COL2A1: variants seen among roughly 807,000 people sequenced by gnomAD.
The protein encoded by COL2A1 is collagen type II alpha 1 chain.
Under a neutral mutation model 204.5 loss-of-function variants are expected in COL2A1, and 28 were observed. The observed-to-expected ratio is 0.14, with a 90% CI of 0.10 to 0.19. The LOEUF (loss-of-function observed/expected upper bound fraction) is 0.19, where lower values mean the gene tolerates loss of function less well. COL2A1 is among the 10% of genes least tolerant of loss of function. The pLI, the probability that COL2A1 is intolerant of heterozygous loss-of-function variation, is 1.00. For synonymous variants in COL2A1, 708 were observed against 718.7 expected (o/e 0.99, Z 0.24); for missense variants, 1,388 against 2,027.5 (o/e 0.68, Z 6.06).
At chr12:47,992,000 G>A (rs1939731313) in intron 16 of COL2A1, among the ~76,000 whole-genome samples, 6 of 152,202 alleles carry the variant, frequency 3.9e-5, no homozygotes. Context: ...ACGGAGTGAA[G>A]CTGCTTTATT....
At chr12:47,979,984 G>T in intron 40 of COL2A1, 25 bp downstream of exon 40, 2 of 1,548,108 alleles carry the variant, frequency 1.3e-6, no homozygotes, top group South Asian at 2.4e-5. Flanking sequence ...GAGGTGCAGG[G>T]TGGGGTGTCA....
Position 47,976,028 on chromosome 12 carries a change from T to C in COL2A1, c.3532A>G (p.Asn1178Asp). 9.3e-6 allele frequency: 15 copies of C among 1,613,910 alleles called. No individual in the cohort carries two copies. Among genetic ancestry groups the C allele is most frequent in the Non-Finnish European group, 1.2e-5 (14 of 1,179,892 alleles). ...PVGPSGKDGA[N>D]GIPGPIGPPG... ...GGCCCAATGGGGCCAGGGATTCCAT[T>C]AGCACCATCTTTGCCAGAGGGACCG... is the stretch of plus-strand genomic sequence containing the variant. Residue 1178 changes from asparagine (N) to aspartate (D), a missense_variant, in exon 50 of 54, where the codon AAT becomes GAT. By Grantham distance (23) the Asn-to-Asp change is conservative (BLOSUM62 1). Coordinates refer to ENST00000380518, the MANE Select transcript of COL2A1 (RefSeq NM_001844.5). The surrounding 1 kb of genome is among the most constrained non-coding windows in gnomAD (Gnocchi z 4.3).
intron 33 of COL2A1, 75 bp downstream of exon 33, chr12:47,982,773 C>T: frequency 7.2e-7 from 1 of 1,391,844 alleles, no homozygotes; most frequent in Non-Finnish European, 1.0e-6. Context: ...TCCTCCTGAG[C>T]CCGCTCCTCT....
chr12:47,986,971 G>C (rs190884894), intron 21 of COL2A1, 83 bp from the exon 22 acceptor site: 1 of 1,591,952 alleles, frequency 6.3e-7, no homozygotes, highest in East Asian at 2.2e-5. Flanking sequence ...AGATGCCCTC[G>C]GATGGAGGCC....
At chr12:47,989,898 T>C in intron 16 of COL2A1, 93 bp from the exon 17 acceptor site, 1 of 1,255,042 alleles carries the variant, frequency 8.0e-7, no homozygotes, top group Non-Finnish European at 1.2e-6. Flanking sequence ...AAGGACACAC[T>C]GTGCCTGGGG....
chr12:47,974,688 T>A lies in COL2A1; in HGVS notation c.4061A>T (p.Asn1354Ile), dbSNP rs200621622. 2.0e-5 allele frequency: 32 copies of A among 1,614,052 alleles called. No homozygotes were observed. The highest frequency in any genetic ancestry group is 2.5e-5 in the Non-Finnish European group (29 of 1,180,022). The stretch of plus-strand genomic sequence containing the variant: ...CCAGGTACTCACATGGAAGCCACCA[T>A]TGATGGTTTCTCCAAACCAGATGTG... ...KKHIWFGETI[N>I]GGFHFSYGDD... is the part of the protein sequence containing the mutation. The change falls in exon 52 of 54, where the codon AAT becomes ATT. Residue 1354 changes from asparagine (N) to isoleucine (I), a missense_variant. Asn to Ile is a moderately radical substitution (Grantham distance 149, BLOSUM62 -3). Coordinates refer to ENST00000380518, the MANE Select transcript of COL2A1 (RefSeq NM_001844.5).
At chr12:47,991,333 G>T (rs1333267996) in intron 16 of COL2A1, among the ~76,000 whole-genome samples, 1 of 152,208 alleles carries the variant, frequency 6.6e-6, no homozygotes, top group Non-Finnish European at 1.5e-5. Flanking sequence ...GCCCAAGGGA[G>T]GGCACATGAC....
chr12:47,995,933 GAA>G lies in COL2A1; in HGVS notation c.610-16_610-15del, dbSNP rs758007282. Reference sequence around the variant, plus strand: ...TCCCATGGGGCCCTGCATCGGAACAGAAAATGAGGGGTTTACTACACATGCTT... The same window carrying G: ...TCCCATGGGGCCCTGCATCGGAACAGAATGAGGGGTTTACTACACATGCTT... On this transcript the variant is annotated splice_polypyrimidine_tract_variant and intron_variant, in intron 8 of 53. Coordinates refer to ENST00000380518, the MANE Select transcript of COL2A1 (RefSeq NM_001844.5). The G allele has an allele frequency of 1.1e-4, 170 of 1,610,156 alleles. No individual in the cohort carries two copies. Among genetic ancestry groups the G allele is most frequent in the Non-Finnish European group, 1.4e-4 (163 of 1,176,506 alleles).
rs1319982290 is a variant in COL2A1, at chr12:47,975,500, G to T, written c.3703C>A (p.Pro1235Thr). 5 of 1,612,888 alleles carry T rather than the reference G, an allele frequency of 3.1e-6. No homozygotes were observed. In the Admixed American group the frequency reaches 8.3e-5, roughly 27 times the overall value. ...GLGPREKGPD[P>T]LQYMRADQAA... Reference sequence around the variant, plus strand: ...TGGTCGGCCCGCATGTACTGCAGGGGGTCGGGGCCCTTCTCTCTCGGGCCT... The same window carrying T: ...TGGTCGGCCCGCATGTACTGCAGGGTGTCGGGGCCCTTCTCTCTCGGGCCT... The change falls in exon 51 of 54, where the codon CCC becomes ACC. Residue 1235 changes from proline (P) to threonine (T), a missense_variant. Physicochemically the swap from Pro to Thr is conservative, Grantham distance 38 (BLOSUM62 -1). Coordinates refer to ENST00000380518, the MANE Select transcript of COL2A1 (RefSeq NM_001844.5).
In COL2A1 at chr12:47,979,940, C is replaced by CT. The variant is rs397720210; in HGVS notation, c.2679+68_2679+69insA. 3.4e-5 allele frequency: 47 copies of CT among 1,400,870 alleles called. No homozygotes were observed. The South Asian group carries it at 3.5e-4, about 10-fold the overall frequency. 86.8% of individuals were successfully genotyped at this position (1,400,870 alleles called of 1,614,324 possible). A position where few individuals can be genotyped will look rare whatever the true frequency, so the allele number is the denominator to read the frequency against. ...AGTCGGGGGCATCCCAGAACACCCC[C>CT]GCCATGGGAGCCTCTGGGGCCAGGC... On this transcript the variant is annotated intron_variant, in intron 40 of 53. Transcript: ENST00000380518.
At chr12:47,984,968 G>A in intron 27 of COL2A1, 27 bp downstream of exon 27, 1 of 1,591,918 alleles carries the variant, frequency 6.3e-7, no homozygotes, top group Non-Finnish European at 8.6e-7. Context: ...CACATGGAAG[G>A]AAATAGAAGA....
In COL2A1 at chr12:47,982,175, A is replaced by G. The variant is rs1014057466; in HGVS notation, c.2302-15T>C. On this transcript the variant is annotated splice_polypyrimidine_tract_variant and intron_variant, in intron 34 of 53. Coordinates refer to ENST00000380518, the MANE Select transcript of COL2A1 (RefSeq NM_001844.5). ...CCAACGTCACCCTGAGGGAAGAGAAAACCAGCCGCCTCAGCCAGGCACCCC... is the reference window on the plus strand; with the variant it reads ...CCAACGTCACCCTGAGGGAAGAGAAGACCAGCCGCCTCAGCCAGGCACCCC... 1 of 1,612,906 alleles carries G rather than the reference A, an allele frequency of 6.2e-7. No individual in the cohort carries two copies.
intron 44 of COL2A1, 126 bp from the exon 45 acceptor site, chr12:47,977,779 A>G: frequency 1.7e-6 from 2 of 1,155,928 alleles, no homozygotes; most frequent in Non-Finnish European, 2.5e-6. Flanking sequence ...CTTTGAAGCC[A>G]AAGTTTCCTC....
chr12:47,980,805 A>T lies in COL2A1; in HGVS notation c.2517+110T>A. On this transcript the variant is annotated intron_variant, in intron 38 of 53. Transcript: ENST00000380518. This position sits in a 1 kb window ranked among gnomAD's most constrained non-coding sequence, Gnocchi z 4.5. ...TCTATTAGTATGGAGGCGGGAAAGG[A>T]GAGGAGAGGAGCATCCATTTCCCTC... 2 of 1,414,036 alleles carry T rather than the reference A, an allele frequency of 1.4e-6. No individual in the cohort carries two copies. The highest frequency in any genetic ancestry group is 1.2e-5 in the South Asian group (1 of 81,338). 87.6% of individuals were successfully genotyped at this position (1,414,036 alleles called of 1,614,324 possible).
chr12:47,976,962 G>T lies in COL2A1; in HGVS notation c.3328-43C>A. 6.4e-7 allele frequency: 1 copy of T among 1,554,546 alleles called. No homozygotes were observed. Among genetic ancestry groups the T allele is most frequent in the South Asian group, 1.2e-5 (1 of 86,072 alleles). Reference sequence around the variant, plus strand: ...ACCGATTGAGTCAGGTCAGGGCCAGGACAGGAGCCCCCTCCTGTCCCACCC... The same window carrying T: ...ACCGATTGAGTCAGGTCAGGGCCAGTACAGGAGCCCCCTCCTGTCCCACCC... On this transcript the variant is annotated intron_variant, in intron 47 of 53. Transcript: ENST00000380518. This position sits in a 1 kb window ranked among gnomAD's most constrained non-coding sequence, Gnocchi z 4.3.
Position 47,977,151 on chromosome 12 carries a change from G to A in COL2A1, c.3278C>T (p.Ala1093Val), listed in dbSNP as rs2136520107. 1 of 1,611,034 alleles carries A rather than the reference G, an allele frequency of 6.2e-7. No homozygotes were observed. The highest frequency in any genetic ancestry group is 8.5e-7 in the Non-Finnish European group (1 of 1,178,954). Reference sequence around the variant, plus strand: ...TCCTGAGGGTCCCATGGGGCCTTGTGCACCCTGAGGAGAGAGTGAGCGCAG... The same window carrying A: ...TCCTGAGGGTCCCATGGGGCCTTGTACACCCTGAGGAGAGAGTGAGCGCAG... ...GKQGDRGEAG[A>V]QGPMGPSGPA... The change falls in exon 47 of 54, where the codon GCA becomes GTA. Residue 1093 changes from alanine to valine, a missense_variant. Ala to Val is a moderately conservative substitution (Grantham distance 64). This residue lies in a region of COL2A1 where 884 missense variants were observed against 1,415.8 expected (regional missense o/e 0.62). Transcript: ENST00000380518.
rs376753701 is a variant in COL2A1 at position 47,994,442 on chromosome 12, C to T, written c.798G>A (p.Arg266=). The part of the protein sequence containing the change: ...EAGKPGKAGE[R]GPPGPQGARG... ...CGTTTACCTGAGGACCAGGCGGACC[C>T]CTTTCACCAGCTTTTCCAGGTTTTC... Residue 266 remains arginine, a synonymous_variant, in exon 12 of 54, where the codon AGG becomes AGA. Transcript: ENST00000380518. The T allele has an allele frequency of 1.3e-4, 204 of 1,613,996 alleles. No homozygotes were observed. The highest frequency in any genetic ancestry group is 1.3e-4 in the Non-Finnish European group (157 of 1,180,044).
intron 8 of COL2A1, among the ~76,000 whole-genome samples, chr12:47,996,344 T>C (rs796251143): frequency 5.9e-5 from 9 of 152,316 alleles, no homozygotes; most frequent in African/African-American, 2.2e-4. Flanking sequence ...TCATTCTTCT[T>C]AGTCACTCCA....
chr12:47,995,956 T>C (rs750123521), intron 8 of COL2A1, 37 bp from the exon 9 acceptor site: 4 of 1,575,280 alleles, frequency 2.5e-6, no homozygotes, highest in Admixed American at 3.3e-5. Context: ...TTACTACACA[T>C]GCTTCCTCAG....
Sources: allele counts gnomAD v4.1 joint callset (sites outside exome capture counted in the v4.1 genomes callset), GRCh38; gene constraint gnomAD v4.1.1; regional missense constraint gnomAD v4.1.1; non-coding constraint Gnocchi (gnomAD v3.1); transcripts MANE v1.5; gene names NCBI Gene and HGNC (gene_info 2026-07-23, HGNC 2026-07-21).